Variants in IK observed in about 807,000 individuals in gnomAD.
IK encodes the protein protein Red.
Under a neutral mutation model 90.9 loss-of-function variants are expected in IK, and 47 were observed. That is an observed-to-expected ratio of 0.52 (90% CI 0.41 to 0.66). The LOEUF (loss-of-function observed/expected upper bound fraction) is 0.66. IK is among the 30% of genes least tolerant of loss of function. IK has a pLI of 0.00. For synonymous variants in IK, 201 were observed against 227.5 expected (o/e 0.88, Z 1.05); for missense variants, 385 against 709.3 (o/e 0.54, Z 5.19).
At chr5:140,660,004 C>A in intron 14 of IK, 111 bp from the exon 15 acceptor site, 1 of 998,128 alleles carries the variant, frequency 1.0e-6, no homozygotes, top group Non-Finnish European at 1.5e-6. Flanking sequence ...TAACAGCTCA[C>A]AGCCCACTCA....
intron 13 of IK, 102 bp from the exon 14 acceptor site, chr5:140,659,654 C>A: frequency 1.3e-6 from 1 of 770,720 alleles, no homozygotes; most frequent in East Asian, 2.7e-5. Context: ...CTTTGTTAGA[C>A]AAAAGGGTTC....
chr5:140,662,457 C>T lies in IK; in HGVS notation c.*128C>T. 9.6e-7 allele frequency: 1 copy of T among 1,041,020 alleles called. No homozygotes were observed. Among genetic ancestry groups the T allele is most frequent in the South Asian group, 1.4e-5 (1 of 72,604 alleles). 64.5% of individuals were successfully genotyped at this position (1,041,020 alleles called of 1,614,324 possible). ...AATTTTATTGTGTAATTACTTGGTT[C>T]CATTAAAATTGGTTAACTTGCTATT... On this transcript the variant is annotated 3_prime_UTR_variant, in exon 20 of 20. Transcript: ENST00000417647.
chr5:140,660,356 G>GGTA, intron 15 of IK, 161 bp downstream of exon 15: 1 of 556,566 alleles, frequency 1.8e-6, no homozygotes, highest in African/African-American at 2.2e-5. Flanking sequence ...GGAATGCAAT[G>GGTA]GTATAATCTC....
chr5:140,648,526 C>G lies in IK; in HGVS notation c.72C>G (p.His24Gln), dbSNP rs781015374. The change falls in exon 2 of 20, where the codon CAC becomes CAG. Residue 24 changes from histidine to glutamine, a missense_variant. By Grantham distance (24) the His-to-Gln change is conservative. Transcript: ENST00000417647. ...APDGHDVDDPHSFHQSKLTNE... is the reference protein window; with the variant it reads ...APDGHDVDDPQSFHQSKLTNE... ...ATGGCCACGATGTGGATGATCCTCA[C>G]TCCTTCCACCAGTGAGTATTTTGTG... 6.2e-7 allele frequency: 1 copy of G among 1,613,912 alleles called. No homozygotes were observed. Among genetic ancestry groups the G allele is most frequent in the Non-Finnish European group, 8.5e-7 (1 of 1,179,764 alleles).
At chr5:140,660,053 C>T in intron 14 of IK, 62 bp from the exon 15 acceptor site, 1 of 1,473,642 alleles carries the variant, frequency 6.8e-7, no homozygotes, top group Non-Finnish European at 9.4e-7. Flanking sequence ...TGGCCCCCTC[C>T]TGGCTGAAGC....
chr5:140,662,097 C>T (rs1757809582), intron 18 of IK, 82 bp from the exon 19 acceptor site: 1 of 1,589,894 alleles, frequency 6.3e-7, no homozygotes, highest in East Asian at 2.2e-5. Flanking sequence ...GCTGGAGAGC[C>T]ATGGAAATGA....
rs924935362 is a variant in IK at position 140,656,143 on chromosome 5, T to C, written c.801+151T>C. The C allele has an allele frequency of 5.7e-5, 39 of 681,060 alleles. 1 individual carries two copies. In the African/African-American group the frequency reaches 6.7e-4, roughly 12 times the overall value. 42.2% of individuals were successfully genotyped at this position (681,060 alleles called of 1,614,324 possible). ...AACTGAATCCATTCACTTTTCCACT[T>C]TTTCACCAATAACATTCCAGTCTAA... On this transcript the variant is annotated intron_variant, in intron 9 of 19. Coordinates refer to ENST00000417647, the MANE Select transcript of IK (RefSeq NM_006083.4).
chr5:140,654,502 T>G lies in IK; in HGVS notation c.520-14T>G. The G allele has an allele frequency of 6.3e-7, 1 of 1,576,412 alleles. No individual in the cohort carries two copies. Among genetic ancestry groups the G allele is most frequent in the Non-Finnish European group, 8.6e-7 (1 of 1,160,244 alleles). ...ATAAAATGAGTGTCCTAACCCTGCT[T>G]GCTTTCCTGTTAGGTACGAGCTGAG... On this transcript the variant is annotated splice_polypyrimidine_tract_variant and intron_variant, in intron 6 of 19. Coordinates refer to ENST00000417647, the MANE Select transcript of IK (RefSeq NM_006083.4).
chr5:140,648,755 T>TA, intron 2 of IK: 10 of 542,086 alleles, frequency 1.8e-5, no homozygotes, highest in Non-Finnish European at 2.3e-5. Context: ...TTTTTTTTTT[T>TA]TATACGTGTT....
In IK at chr5:140,660,343, G is replaced by C. The variant is rs928604554; in HGVS notation, c.1355+148G>C. ...GACAGAGTCTCACTCTGTCACCCAG[G>C]CTGGAATGCAATGGTATAATCTCTG... On this transcript the variant is annotated intron_variant, in intron 15 of 19. Transcript: ENST00000417647. The C allele has an allele frequency of 5.3e-6, 3 of 568,518 alleles. No homozygotes were observed. The South Asian group carries it at 6.2e-5, about 12-fold the overall frequency. The allele number at this position is 568,518 out of a possible 1,614,324, so 35.2% of individuals were successfully genotyped here. A position where few individuals can be genotyped will look rare whatever the true frequency, so the allele number is the denominator to read the frequency against.
intron 4 of IK, among the ~76,000 whole-genome samples, chr5:140,652,393 T>C (rs542732197): frequency 3.5e-4 from 53 of 152,258 alleles, no homozygotes; most frequent in Non-Finnish European, 5.1e-4. Context: ...AATCCACAGA[T>C]AGAATGGAGA....
chr5:140,655,125 ACT>A (rs1757683588), intron 8 of IK, among the ~76,000 whole-genome samples: 2 of 152,106 alleles, frequency 1.3e-5, no homozygotes, highest in African/African-American at 4.8e-5. Flanking sequence ...CCCATAAAAT[ACT>A]CTAATAAGAC....
chr5:140,662,139 A>G (rs1317263835), intron 18 of IK, 40 bp from the exon 19 acceptor site: 5 of 1,613,054 alleles, frequency 3.1e-6, no homozygotes, highest in East Asian at 2.2e-5. Flanking sequence ...GTGAGCTTAG[A>G]TGGGCAGCTT....
chr5:140,654,199 T>C, intron 6 of IK, 147 bp downstream of exon 6: 1 of 637,452 alleles, frequency 1.6e-6, no homozygotes, highest in Non-Finnish European at 2.8e-6. Context: ...TGATTGCTAC[T>C]CATCCTTCAA....
rs1255540756 is a variant in IK at position 140,661,304 on chromosome 5, CTACTGTT to C, written c.1414-313_1414-307del. 8.8e-6 allele frequency: 3 copies of C among 340,398 alleles called. No individual in the cohort carries two copies. The highest frequency in any genetic ancestry group is 6.5e-5 in the African/African-American group (3 of 46,288). 21.1% of individuals were successfully genotyped at this position (340,398 alleles called of 1,614,324 possible). A position where few individuals can be genotyped will look rare whatever the true frequency, so the allele number is the denominator to read the frequency against. ...CTTGGAGCCTTGTTTAATCCTGCCT[CTACTGTT>C]TATTAGTTTTGTGAACTTGCCAAGT... On this transcript the variant is annotated intron_variant, in intron 16 of 19. Coordinates refer to ENST00000417647, the MANE Select transcript of IK (RefSeq NM_006083.4). This position sits in a 1 kb window ranked among gnomAD's most constrained non-coding sequence, Gnocchi z 4.2.
Position 140,658,783 on chromosome 5 carries a change from A to G in IK, c.950+7A>G, listed in dbSNP as rs972723997. The G allele has an allele frequency of 1.2e-6, 2 of 1,610,882 alleles. No individual in the cohort carries two copies. On this transcript the variant is annotated splice_region_variant and intron_variant, in intron 11 of 19. Coordinates refer to ENST00000417647, the MANE Select transcript of IK (RefSeq NM_006083.4). Reference sequence around the variant, plus strand: ...CTCCTGAGGCTGACATGAAGTATGTATCCTAGCCCCTGGCATCTGATCAGA... The same window carrying G: ...CTCCTGAGGCTGACATGAAGTATGTGTCCTAGCCCCTGGCATCTGATCAGA...
intron 1 of IK, 92 bp downstream of exon 1, chr5:140,648,016 G>GTGTGTT: frequency 4.5e-6 from 4 of 883,972 alleles, no homozygotes; most frequent in Middle Eastern, 2.4e-4. Flanking sequence ...GGGTGTGTGT[G>GTGTGTT]TGTGTGTGTG....
At chr5:140,652,038 C>T in intron 3 of IK, 50 bp from the exon 4 acceptor site, 1 of 1,438,354 alleles carries the variant, frequency 7.0e-7, no homozygotes, top group South Asian at 1.1e-5. Flanking sequence ...CTTGGGGTTT[C>T]TGGGGCTGTG....
At position 140,661,010 on chromosome 5, in the gene IK, T is replaced by C. The variant is rs1370561063; in HGVS notation, c.1413+195T>C. 8.1e-6 allele frequency: 4 copies of C among 492,556 alleles called. No homozygotes were observed. The highest frequency in any genetic ancestry group is 1.4e-5 in the Non-Finnish European group (4 of 278,348). The allele number at this position is 492,556 out of a possible 1,614,324, so 30.5% of individuals were successfully genotyped here. On this transcript the variant is annotated intron_variant, in intron 16 of 19. Transcript: ENST00000417647. This position sits in a 1 kb window ranked among gnomAD's most constrained non-coding sequence, Gnocchi z 4.2. ...AGTCTTTGCACAAGATCAAATGACA[T>C]AGGGTCAAAAATCTATTTTTTACTT...
Sources: allele counts gnomAD v4.1 joint callset (sites outside exome capture counted in the v4.1 genomes callset), GRCh38; gene constraint gnomAD v4.1.1; non-coding constraint Gnocchi (gnomAD v3.1); transcripts MANE v1.5; gene names NCBI Gene and HGNC (gene_info 2026-07-23, HGNC 2026-07-21).